ADD2: variants seen among roughly 807,000 people sequenced by gnomAD.
The protein encoded by ADD2 is beta-adducin.
Under a neutral mutation model 83.0 loss-of-function variants are expected in ADD2, and 23 were observed. That is an observed-to-expected ratio of 0.28 (90% CI 0.20 to 0.39). The LOEUF (loss-of-function observed/expected upper bound fraction) is 0.39, where lower values mean the gene tolerates loss of function less well. Ranked by LOEUF, ADD2 falls within the 10% of genes least tolerant of loss-of-function variation. The probability of loss-of-function intolerance (pLI) is 1.00; values close to 1 mark genes in which losing one functional copy is unlikely to be tolerated. For missense variants in ADD2, 758 were observed against 944.9 expected (o/e 0.80, Z 2.59); for synonymous variants, 375 against 375.4 (o/e 1.00, Z 0.01).
At chr2:70,760,388 C>A (rs774885101) in intron 1 of ADD2, among the ~76,000 whole-genome samples, 64 of 152,228 alleles carry the variant, frequency 4.2e-4, no homozygotes, top group Admixed American at 1.3e-3. Flanking sequence ...CAATTTAGAG[C>A]ACCAAGCAAA....
chr2:70,691,330 T>C (rs1415685274), intron 7 of ADD2, among the ~76,000 whole-genome samples: 1 of 152,164 alleles, frequency 6.6e-6, no homozygotes, highest in Non-Finnish European at 1.5e-5. Context: ...TCCAGATCTC[T>C]TGGGGTAGGC....
intron 1 of ADD2, among the ~76,000 whole-genome samples, chr2:70,742,129 T>C (rs555010379): frequency 3.9e-5 from 6 of 152,370 alleles, no homozygotes; most frequent in South Asian, 4.1e-4. Context: ...CAAATACATC[T>C]GAGACTACCA....
At chr2:70,718,978 C>A (rs1022270715) in intron 1 of ADD2, among the ~76,000 whole-genome samples, 1 of 152,234 alleles carries the variant, frequency 6.6e-6, no homozygotes, top group Admixed American at 6.5e-5. Flanking sequence ...GATTCTACTT[C>A]CTATTTCTGG....
Position 70,683,770 on chromosome 2 carries a change from G to T in ADD2, c.949-3C>A. 6.2e-7 allele frequency: 1 copy of T among 1,606,894 alleles called. No homozygotes were observed. The highest frequency in any genetic ancestry group is 8.5e-7 in the Non-Finnish European group (1 of 1,174,316). ...CCGGCACTGGACAGAGCCGACACCT[G>T]TAGCAAAGAGCAGAGAGCCCTCAGC... On this transcript the variant is annotated splice_region_variant and splice_polypyrimidine_tract_variant and intron_variant, in intron 9 of 15. Coordinates refer to ENST00000264436, the MANE Select transcript of ADD2 (RefSeq NM_001617.4).
intron 1 of ADD2, among the ~76,000 whole-genome samples, chr2:70,740,080 G>GA (rs1270611976): frequency 6.6e-6 from 1 of 151,632 alleles, no homozygotes; most frequent in Non-Finnish European, 1.5e-5. Context: ...TATGCACCAG[G>GA]AAAAAATAAA....
At chr2:70,699,644 G>C (rs1208766271) in intron 4 of ADD2, among the ~76,000 whole-genome samples, 3 of 152,160 alleles carry the variant, frequency 2.0e-5, no homozygotes, top group African/African-American at 7.2e-5. Context: ...CCCAGGCATG[G>C]TGGCACATGC....
At chr2:70,671,799 G>A (rs1226233408) in intron 15 of ADD2, among the ~76,000 whole-genome samples, 2 of 152,136 alleles carry the variant, frequency 1.3e-5, no homozygotes, top group African/African-American at 2.4e-5. Flanking sequence ...CAGGGTTGGG[G>A]GATTCTATCA....
intron 1 of ADD2, among the ~76,000 whole-genome samples, chr2:70,753,247 A>C (rs554167568): frequency 1.3e-3 from 196 of 152,306 alleles, no homozygotes; most frequent in African/African-American, 4.5e-3. Flanking sequence ...GTCAAGTAAG[A>C]TAAGAACAGA....
intron 3 of ADD2, among the ~76,000 whole-genome samples, chr2:70,705,286 C>T (rs548573593): frequency 6.6e-6 from 1 of 152,302 alleles, no homozygotes; most frequent in African/African-American, 2.4e-5. Flanking sequence ...GATATTGGAC[C>T]TCGGCCCATT....
intron 2 of ADD2, among the ~76,000 whole-genome samples, chr2:70,712,462 A>AATT (rs1672240926): frequency 1.8e-5 from 2 of 113,290 alleles, no homozygotes; most frequent in African/African-American, 1.4e-4. Context: ...TAAATAAATA[A>AATT]AAAAAAAAAA....
intron 1 of ADD2, among the ~76,000 whole-genome samples, chr2:70,755,392 T>G (rs1553383656): frequency 1.3e-5 from 2 of 152,218 alleles, no homozygotes; most frequent in Non-Finnish European, 2.9e-5. Context: ...CCCTGACCAC[T>G]CTGGCTAAAG....
intron 10 of ADD2, among the ~76,000 whole-genome samples, chr2:70,679,472 G>A (rs1282398410): frequency 6.6e-6 from 1 of 151,990 alleles, no homozygotes; most frequent in African/African-American, 2.4e-5. Flanking sequence ...TTTCCTTCTA[G>A]GAACCCTGAA....
chr2:70,736,163 G>T (rs1264072812), intron 1 of ADD2, among the ~76,000 whole-genome samples: 1 of 151,978 alleles, frequency 6.6e-6, no homozygotes, highest in Non-Finnish European at 1.5e-5. Context: ...TCAGATAGAG[G>T]GTATGACCTG....
intron 15 of ADD2, among the ~76,000 whole-genome samples, chr2:70,668,837 C>T (rs1669784889): frequency 6.6e-6 from 1 of 152,338 alleles, no homozygotes; most frequent in African/African-American, 2.4e-5. Context: ...GAAGCCCTCT[C>T]TTTGCAGCAG....
chr2:70,721,730 A>C (rs1672739383), intron 1 of ADD2, among the ~76,000 whole-genome samples: 1 of 152,252 alleles, frequency 6.6e-6, no homozygotes, highest in Non-Finnish European at 1.5e-5. Context: ...CAAAGAAATT[A>C]CCTTAATGAT....
At chr2:70,696,142 G>A in intron 5 of ADD2, 103 bp downstream of exon 5, 1 of 1,453,756 alleles carries the variant, frequency 6.9e-7, no homozygotes. Flanking sequence ...TTAGCCAAAG[G>A]TCACCAGCAG....
chr2:70,682,316 A>C (rs1670498162), intron 10 of ADD2, among the ~76,000 whole-genome samples: 1 of 152,206 alleles, frequency 6.6e-6, no homozygotes, highest in Admixed American at 6.5e-5. Context: ...GTTGGAAAGA[A>C]TTCTTGTATG....
At position 70,706,368 on chromosome 2, in the gene ADD2, G is replaced by T. The variant is rs781865725; in HGVS notation, c.41C>A (p.Pro14His). The change falls in exon 3 of 16, where the codon CCC becomes CAC. Residue 14 changes from proline (P) to histidine (H), a missense_variant. Physicochemically the swap from Pro to His is moderately conservative, Grantham distance 77. This residue lies in a region of ADD2 where 175 missense variants were observed against 192.1 expected (regional missense o/e 0.91). Transcript: ENST00000264436. The surrounding 1 kb of genome is among the most constrained non-coding windows in gnomAD (Gnocchi z 5.0). ...ETVPEAASPP[P>H]PQGQPYFDRF... ...GTCAAAGTAAGGCTGCCCCTGCGGGGGCGGCGGCGAGGCAGCCTCGGGGAC... is the reference window on the plus strand; with the variant it reads ...GTCAAAGTAAGGCTGCCCCTGCGGGTGCGGCGGCGAGGCAGCCTCGGGGAC... 6.2e-7 allele frequency: 1 copy of T among 1,612,070 alleles called. No homozygotes were observed. Among genetic ancestry groups the T allele is most frequent in the East Asian group, 2.2e-5 (1 of 44,846 alleles).
At chr2:70,712,051 T>C (rs1169522560) in intron 2 of ADD2, among the ~76,000 whole-genome samples, 3 of 152,188 alleles carry the variant, frequency 2.0e-5, no homozygotes, top group African/African-American at 7.2e-5. Flanking sequence ...GACAGGGAAT[T>C]GGTGACATAA....
Sources: gnomAD v4.1 joint callset for allele counts (sites outside exome capture counted in the v4.1 genomes callset) on GRCh38, gnomAD v4.1.1 for gene constraint, gnomAD v4.1.1 regional missense constraint, Gnocchi (gnomAD v3.1) non-coding constraint, MANE v1.5 for transcripts, NCBI Gene and HGNC (gene_info 2026-07-23, HGNC 2026-07-21) for gene names.